Variants in TMEM35A observed in about 807,000 individuals in gnomAD.
The protein encoded by TMEM35A is nicotinic acetylcholine receptor chaperone.
For missense variants in TMEM35A, 83 were observed against 132.7 expected (o/e 0.63, Z 1.84); for synonymous variants, 50 against 54.7 (o/e 0.91, Z 0.38).
At chrX:101,089,094 T>C (rs752153931) in intron 1 of TMEM35A, among the ~76,000 whole-genome samples, 5 of 111,526 alleles carry the variant, frequency 4.5e-5, no homozygotes, top group Non-Finnish European at 9.4e-5. Context: ...CACATGGGTC[T>C]GGCCCCTTTC....
chrX:101,084,661 T>G (rs2089301851), intron 1 of TMEM35A, among the ~76,000 whole-genome samples: 1 of 110,905 alleles, frequency 9.0e-6, no homozygotes, highest in African/African-American at 3.3e-5. Flanking sequence ...GGTCAGGAGT[T>G]CGAGACCAGC....
chrX:101,080,083 C>G (rs1045087709), intron 1 of TMEM35A, among the ~76,000 whole-genome samples: 4 of 111,810 alleles, frequency 3.6e-5, no homozygotes, highest in African/African-American at 1.3e-4. Context: ...CTTCTTTTCC[C>G]CACCCCAGCT....
At chrX:101,080,806 C>T (rs1168389974) in intron 1 of TMEM35A, among the ~76,000 whole-genome samples, 2 of 110,444 alleles carry the variant, frequency 1.8e-5, no homozygotes, top group Non-Finnish European at 3.8e-5. Flanking sequence ...TGTAAGCTTT[C>T]CCTAGCCTTA....
At chrX:101,094,000 C>T (rs1175589280) in intron 1 of TMEM35A, among the ~76,000 whole-genome samples, 1 of 112,074 alleles carries the variant, frequency 8.9e-6, no homozygotes, top group East Asian at 2.8e-4. Context: ...CCTACTAATA[C>T]CATCATCTTG....
At chrX:101,084,316 A>C (rs937667825) in intron 1 of TMEM35A, among the ~76,000 whole-genome samples, 1 of 111,510 alleles carries the variant, frequency 9.0e-6, no homozygotes, top group African/African-American at 3.3e-5. Flanking sequence ...TATTTCTTAC[A>C]GAGATTCAGA....
intron 1 of TMEM35A, among the ~76,000 whole-genome samples, chrX:101,082,374 T>G (rs2089295440): frequency 1.1e-5 from 1 of 91,155 alleles, no homozygotes; most frequent in African/African-American, 4.2e-5. Flanking sequence ...GGTGTCTCAG[T>G]TTCTTTATTC....
chrX:101,089,679 C>G (rs1156443266), intron 1 of TMEM35A, among the ~76,000 whole-genome samples: 1 of 107,569 alleles, frequency 9.3e-6, no homozygotes, highest in African/African-American at 3.4e-5. Flanking sequence ...CTTTTGAGCC[C>G]CAGAGGTAGA....
At position 101,094,785 on chromosome X, in the gene TMEM35A, T is replaced by C. The variant is rs1482751427; in HGVS notation, c.333T>C (p.Pro111=). The change falls in exon 2 of 2, where the codon CCT becomes CCC. Residue 111 remains proline (P), a synonymous_variant. Transcript: ENST00000372930. The stretch of plus-strand genomic sequence containing the variant: ...TCTTCCACCAGCTGGTCGGTGATCC[T>C]CTCAAACGCTACGCCCATGCTCTGG... ...VLFFHQLVGD[P]LKRYAHALVF... 11 of 1,209,195 alleles carry C rather than the reference T, an allele frequency of 9.1e-6. No individual in the cohort carries two copies. The highest frequency in any genetic ancestry group is 1.2e-5 in the Non-Finnish European group (11 of 895,188).
chrX:101,082,193 T>C (rs2089294938), intron 1 of TMEM35A, among the ~76,000 whole-genome samples: 1 of 88,928 alleles, frequency 1.1e-5, no homozygotes, highest in Non-Finnish European at 2.2e-5. Flanking sequence ...TGTTTTAAAA[T>C]CATTTGTGTA....
chrX:101,081,932 A>G (rs1157673711), intron 1 of TMEM35A: 4 of 110,887 alleles, frequency 3.6e-5, no homozygotes, highest in African/African-American at 1.3e-4. Flanking sequence ...CTCCCAATAG[A>G]AAGATCATTA....
At chrX:101,079,816 G>A (rs1018689330) in intron 1 of TMEM35A, among the ~76,000 whole-genome samples, 2 of 111,574 alleles carry the variant, frequency 1.8e-5, no homozygotes, top group Non-Finnish European at 3.8e-5. Context: ...TTTCTCTCCC[G>A]CAAACAGTCC....
chrX:101,096,299 G>T lies in TMEM35A; in HGVS notation c.*1343G>T, dbSNP rs1013392117. On this transcript the variant is annotated 3_prime_UTR_variant, in exon 2 of 2. Coordinates refer to ENST00000372930, the MANE Select transcript of TMEM35A (RefSeq NM_021637.3). Reference sequence around the variant, plus strand: ...GTTTTCTTCAGTGTAATTGTTCTTGGTAATTGATACCTCTCTGTTTTATTT... The same window carrying T: ...GTTTTCTTCAGTGTAATTGTTCTTGTTAATTGATACCTCTCTGTTTTATTT... 9.0e-6 allele frequency: 1 copy of T among 111,338 alleles called. No homozygotes were observed. Among genetic ancestry groups the T allele is most frequent in the Non-Finnish European group, 1.9e-5 (1 of 53,035 alleles). 9.2% of individuals were successfully genotyped at this position (111,338 alleles called of 1,213,427 possible).
At chrX:101,087,749 A>G (rs1036562221) in intron 1 of TMEM35A, among the ~76,000 whole-genome samples, 2 of 111,890 alleles carry the variant, frequency 1.8e-5, no homozygotes, top group Admixed American at 9.6e-5. Context: ...TTGGCTCCTA[A>G]CTGACTATAA....
At position 101,079,092 on chromosome X, in the gene TMEM35A, C is replaced by T. The variant is rs2089284177; in HGVS notation, c.90C>T (p.Pro30=). The change falls in exon 1 of 2, where the codon CCC becomes CCT. Residue 30 remains proline, a synonymous_variant. Transcript: ENST00000372930. Reference sequence around the variant, plus strand: ...TCATGGGGACTATCAAGCTGACCCCCAGGCTCAGCAAGGATGCCTACAGTG... The same window carrying T: ...TCATGGGGACTATCAAGCTGACCCCTAGGCTCAGCAAGGATGCCTACAGTG... The part of the protein sequence containing the change: ...FVFMGTIKLT[P]RLSKDAYSEM... 2 of 1,209,215 alleles carry T rather than the reference C, an allele frequency of 1.7e-6. No homozygotes were observed. Among genetic ancestry groups the T allele is most frequent in the African/African-American group, 1.8e-5 (1 of 57,132 alleles).
At chrX:101,080,886 C>G (rs185854413) in intron 1 of TMEM35A, among the ~76,000 whole-genome samples, 14 of 110,025 alleles carry the variant, frequency 1.3e-4, no homozygotes, top group African/African-American at 4.3e-4. Flanking sequence ...AGAGGCCCCC[C>G]CAAGCTGCAC....
Position 101,094,740 on chromosome X carries a change from G to A in TMEM35A, c.288G>A (p.Leu96=), listed in dbSNP as rs1339245969. Residue 96 remains leucine, a synonymous_variant, in exon 2 of 2, where the codon TTG becomes TTA. Coordinates refer to ENST00000372930, the MANE Select transcript of TMEM35A (RefSeq NM_021637.3). ...ATGTGGCCAACTTCTTCCTACTGTT[G>A]CTGGTGTTGGCTGTGCTCTTCTTCC... The part of the protein sequence containing the change: ...PKDVANFFLL[L]LVLAVLFFHQ... 1 of 1,209,359 alleles carries A rather than the reference G, an allele frequency of 8.3e-7. No individual in the cohort carries two copies. The highest frequency in any genetic ancestry group is 1.1e-6 in the Non-Finnish European group (1 of 895,200).
chrX:101,082,133 C>CTTTTTTTTTTTTTTTTTTTTTTTTTTTTT, intron 1 of TMEM35A, among the ~76,000 whole-genome samples: 3 of 20,482 alleles, frequency 1.5e-4, no homozygotes, highest in Non-Finnish European at 1.8e-4. Context: ...TTCTTTCTTT[C>CTTTTTTTTTTTTTTTTTTTTTTTTTTTTT]TTTTTTTTTT....
chrX:101,079,884 C>T (rs1227627693), intron 1 of TMEM35A, among the ~76,000 whole-genome samples: 1 of 111,970 alleles, frequency 8.9e-6, no homozygotes, highest in Non-Finnish European at 1.9e-5. Flanking sequence ...CAGGTTTTCC[C>T]CTCTGCAGAG....
rs751124325 is a variant in TMEM35A, at chrX:101,078,993, T to C, written c.-10T>C. 1 of 1,211,498 alleles carries C rather than the reference T, an allele frequency of 8.3e-7. No homozygotes were observed. Among genetic ancestry groups the C allele is most frequent in the Non-Finnish European group, 1.1e-6 (1 of 895,361 alleles). On this transcript the variant is annotated 5_prime_UTR_variant, in exon 1 of 2. Transcript: ENST00000372930. ...CAGAAGGATTAGTTGGGACCTGCCT[T>C]GGCGACCCCATGGCATCCCCCAGAA...
Sources: allele counts gnomAD v4.1 joint callset (sites outside exome capture counted in the v4.1 genomes callset), GRCh38; gene constraint gnomAD v4.1.1; transcripts MANE v1.5; gene names NCBI Gene and HGNC (gene_info 2026-07-23, HGNC 2026-07-21).